The following BBOX1 variants were observed in gnomAD, a reference collection of about 807,000 sequenced individuals.
The protein encoded by BBOX1 is gamma-butyrobetaine hydroxylase 1, also known as gamma-butyrobetaine dioxygenase.
A neutral mutation model predicts 41.6 loss-of-function variants in BBOX1; 35 were observed. That is an observed-to-expected ratio of 0.84 (90% CI 0.64 to 1.11). The LOEUF (loss-of-function observed/expected upper bound fraction) is 1.11. BBOX1 is among the 50% of genes most tolerant of loss of function. The pLI, the probability that BBOX1 is intolerant of heterozygous loss-of-function variation, is 0.00. For synonymous variants in BBOX1, 163 were observed against 154.7 expected (o/e 1.05, Z -0.40); for missense variants, 458 against 460.6 (o/e 0.99, Z 0.05).
chr11:27,119,697 G>A lies in BBOX1; in HGVS notation c.688G>A (p.Glu230Lys). The change falls in exon 7 of 9, where the codon GAA becomes AAA. Residue 230 changes from glutamate to lysine, a missense_variant. Glu to Lys is a moderately conservative substitution (Grantham distance 56). Coordinates refer to ENST00000263182, the MANE Select transcript of BBOX1 (RefSeq NM_003986.3). ...GCAAACAGTCACAGGGGGTGATTCA[G>A]AAATTGTAGATGGGTTTAATGTGTG... ...IKQTVTGGDS[E>K]IVDGFNVCQK... 6.4e-7 allele frequency: 1 copy of A among 1,570,832 alleles called. No individual in the cohort carries two copies. Among genetic ancestry groups the A allele is most frequent in the African/African-American group, 1.4e-5 (1 of 72,862 alleles).
intron 2 of BBOX1, among the ~76,000 whole-genome samples, chr11:27,051,458 C>T (rs1321041326): frequency 3.3e-5 from 5 of 151,900 alleles, no homozygotes; most frequent in Non-Finnish European, 7.4e-5. Context: ...GCCATCAGGT[C>T]CTGGAGTTTC....
chr11:27,075,092 A>G (rs756608418), intron 4 of BBOX1, among the ~76,000 whole-genome samples: 2 of 152,164 alleles, frequency 1.3e-5, no homozygotes, highest in Non-Finnish European at 2.9e-5. Flanking sequence ...TCATTTGGAT[A>G]GACTATTTCT....
chr11:27,112,918 T>A (rs888427124), intron 5 of BBOX1, among the ~76,000 whole-genome samples: 1 of 151,772 alleles, frequency 6.6e-6, no homozygotes. Context: ...CTGACCAAAG[T>A]CTAATATCCA....
chr11:27,041,721 G>C (rs1257234555), intron 2 of BBOX1, among the ~76,000 whole-genome samples: 3 of 152,058 alleles, frequency 2.0e-5, no homozygotes, highest in Admixed American at 2.0e-4. Flanking sequence ...TTGCTTCTTG[G>C]CAGCTTCTCT....
intron 4 of BBOX1, among the ~76,000 whole-genome samples, chr11:27,067,954 C>T (rs949937970): frequency 6.6e-6 from 1 of 151,770 alleles, no homozygotes; most frequent in African/African-American, 2.4e-5. Context: ...TGTGTATATA[C>T]CATATTTTCT....
At chr11:27,077,601 T>A (rs1249432584) in intron 4 of BBOX1, among the ~76,000 whole-genome samples, 6 of 133,324 alleles carry the variant, frequency 4.5e-5, no homozygotes. Context: ...TAACAATGTC[T>A]CCAATCCACC....
chr11:27,073,866 G>A (rs1393197727), intron 4 of BBOX1, among the ~76,000 whole-genome samples: 2 of 151,688 alleles, frequency 1.3e-5, no homozygotes, highest in African/African-American at 4.8e-5. Flanking sequence ...TGAACAATGA[G>A]AACACTTGGA....
intron 2 of BBOX1, among the ~76,000 whole-genome samples, chr11:27,048,854 G>C (rs1438422894): frequency 6.9e-6 from 1 of 145,312 alleles, no homozygotes; most frequent in African/African-American, 2.6e-5. Context: ...CCACTAACTC[G>C]TCATCTAGCA....
At chr11:27,057,581 C>T in intron 4 of BBOX1, 1 of 388,346 alleles carries the variant, frequency 2.6e-6, no homozygotes, top group Non-Finnish European at 4.6e-6. Flanking sequence ...CAAAACCTGG[C>T]ACAGCATACC....
rs183918428 is a variant in BBOX1 at position 27,075,038 on chromosome 11, C to T, written c.334+17723C>T. 1.6e-3 allele frequency among the ~76,000 whole-genome samples: 244 copies of T among 152,304 alleles called. 3 individuals are homozygous for T. Among genetic ancestry groups the T allele is most frequent in the Admixed American group, 0.014 (220 of 15,296 alleles). ...GTGGTACCTTGGGGATGTTATAGAA[C>T]CCTGTTTTTTTATACTTGCCAGAAT... On this transcript the variant is annotated intron_variant, in intron 4 of 8. Transcript: ENST00000263182.
chr11:27,079,344 CAGAAA>C (rs1305348566), intron 4 of BBOX1, among the ~76,000 whole-genome samples: 1 of 152,004 alleles, frequency 6.6e-6, no homozygotes. Flanking sequence ...CTGGAATGAC[CAGAAA>C]ACTTGGAAGA....
chr11:27,087,881 T>C (rs1434875501), intron 4 of BBOX1, among the ~76,000 whole-genome samples: 1 of 152,064 alleles, frequency 6.6e-6, no homozygotes, highest in Non-Finnish European at 1.5e-5. Context: ...TGAAAAACCA[T>C]TATAACCACA....
At chr11:27,055,776 T>A in intron 3 of BBOX1, 127 bp downstream of exon 3, 1 of 760,546 alleles carries the variant, frequency 1.3e-6, no homozygotes, top group Admixed American at 2.9e-5. Flanking sequence ...CACGTTTGTA[T>A]AGTACTTGGT....
At chr11:27,046,177 A>G (rs956047149) in intron 2 of BBOX1, 3 of 152,168 alleles carry the variant, frequency 2.0e-5, no homozygotes, top group Non-Finnish European at 4.4e-5. Flanking sequence ...GCTCTAAGTT[A>G]CTTTTATTTC....
intron 4 of BBOX1, among the ~76,000 whole-genome samples, chr11:27,057,739 T>C (rs1050523423): frequency 1.3e-5 from 2 of 152,070 alleles, no homozygotes; most frequent in Admixed American, 6.6e-5. Flanking sequence ...AATTATGGGA[T>C]TGATGAACCC....
At chr11:27,107,072 G>C (rs1019076203) in intron 5 of BBOX1, among the ~76,000 whole-genome samples, 37 of 152,210 alleles carry the variant, frequency 2.4e-4, no homozygotes, top group African/African-American at 8.7e-4. Flanking sequence ...TAGAATCTCT[G>C]TGACACATTT....
chr11:27,041,120 C>A (rs548371244), intron 1 of BBOX1, 92 bp downstream of exon 1: 12 of 151,718 alleles, frequency 7.9e-5, no homozygotes, highest in African/African-American at 2.4e-4. Context: ...TGGGAACCAA[C>A]AGTACTCAAA....
At chr11:27,051,558 C>G (rs1177271454) in intron 2 of BBOX1, among the ~76,000 whole-genome samples, 1 of 151,906 alleles carries the variant, frequency 6.6e-6, no homozygotes, top group East Asian at 1.9e-4. Context: ...GTAGGTTGTA[C>G]ATTTCTAGGA....
At chr11:27,079,675 G>A (rs1296806704) in intron 4 of BBOX1, among the ~76,000 whole-genome samples, 1 of 152,100 alleles carries the variant, frequency 6.6e-6, no homozygotes, top group African/African-American at 2.4e-5. Context: ...CAATGATAGA[G>A]GGGATTATTG....
Sources: gnomAD v4.1 joint callset for allele counts (sites outside exome capture counted in the v4.1 genomes callset) on GRCh38, gnomAD v4.1.1 for gene constraint, MANE v1.5 for transcripts, NCBI Gene and HGNC (gene_info 2026-07-23, HGNC 2026-07-21) for gene names.